DOK6: variants seen among roughly 807,000 people sequenced by gnomAD.
The protein encoded by DOK6 is docking protein 6.
DOK6 carries 22 observed loss-of-function variants against 44.0 expected under a neutral mutation model. The observed-to-expected ratio is 0.50, with a 90% CI of 0.36 to 0.71. The LOEUF (loss-of-function observed/expected upper bound fraction) is 0.71. DOK6 is among the 30% of genes least tolerant of loss of function. The pLI is 0.00. For synonymous variants in DOK6, 166 were observed against 145.5 expected (o/e 1.14, Z -1.01); for missense variants, 340 against 416.4 (o/e 0.82, Z 1.60).
At chr18:69,786,407 A>T (rs1980430607) in intron 7 of DOK6, among the ~76,000 whole-genome samples, 1 of 152,186 alleles carries the variant, frequency 6.6e-6, no homozygotes, top group Non-Finnish European at 1.5e-5. Context: ...GCTTAACCTA[A>T]TTCCTATTCT....
intron 7 of DOK6, among the ~76,000 whole-genome samples, chr18:69,767,038 C>A (rs960312619): frequency 3.3e-5 from 5 of 152,144 alleles, no homozygotes; most frequent in African/African-American, 1.2e-4. Flanking sequence ...ACCAGCCTGG[C>A]CAACATGGCA....
chr18:69,693,481 T>TTA (rs1054981669), intron 4 of DOK6, among the ~76,000 whole-genome samples: 125 of 152,250 alleles, frequency 8.2e-4, no homozygotes, highest in Non-Finnish European at 1.6e-3. Context: ...AAGCCTCTTT[T>TTA]TATATATATA....
intron 5 of DOK6, among the ~76,000 whole-genome samples, chr18:69,722,227 C>T (rs1978289883): frequency 6.6e-6 from 1 of 152,176 alleles, no homozygotes; most frequent in Non-Finnish European, 1.5e-5. Flanking sequence ...TTCGCATTTA[C>T]ACCTTTGAAC....
Position 69,606,704 on chromosome 18 carries a change from C to T in DOK6, c.289+7206C>T, listed in dbSNP as rs141599846. 2.2e-3 allele frequency among the ~76,000 whole-genome samples: 327 copies of T among 149,646 alleles called. 2 individuals carry two copies. Among genetic ancestry groups the T allele is most frequent in the Middle Eastern group, 0.014 (4 of 286 alleles). On this transcript the variant is annotated intron_variant, in intron 3 of 7. Coordinates refer to ENST00000382713, the MANE Select transcript of DOK6 (RefSeq NM_152721.6). ...GTGAAGATGCAGGATACGAGATCAACGTACAAAAATCAGTAGCATTTATTT... is the reference window on the plus strand; with the variant it reads ...GTGAAGATGCAGGATACGAGATCAATGTACAAAAATCAGTAGCATTTATTT...
chr18:69,640,645 T>C (rs1360814460), intron 3 of DOK6, among the ~76,000 whole-genome samples: 1 of 152,180 alleles, frequency 6.6e-6, no homozygotes, highest in African/African-American at 2.4e-5. Flanking sequence ...ACAGGGCAGT[T>C]GGATCCAGAT....
At chr18:69,467,589 C>T (rs775509053) in intron 1 of DOK6, among the ~76,000 whole-genome samples, 1 of 152,116 alleles carries the variant, frequency 6.6e-6, no homozygotes, top group Non-Finnish European at 1.5e-5. Context: ...ATATTTGGCT[C>T]ATAATGTTGC....
intron 7 of DOK6, among the ~76,000 whole-genome samples, chr18:69,763,817 C>G (rs1191819373): frequency 6.6e-6 from 1 of 152,084 alleles, no homozygotes; most frequent in Non-Finnish European, 1.5e-5. Flanking sequence ...CAAATCAAAC[C>G]AGTAAAAGCC....
intron 1 of DOK6, among the ~76,000 whole-genome samples, chr18:69,504,040 G>A (rs1222107504): frequency 6.6e-6 from 1 of 151,922 alleles, no homozygotes. Context: ...ATGGATTCAC[G>A]ATGGAAAATT....
chr18:69,457,694 G>A (rs1979668197), intron 1 of DOK6, among the ~76,000 whole-genome samples: 1 of 152,122 alleles, frequency 6.6e-6, no homozygotes, highest in African/African-American at 2.4e-5. Flanking sequence ...TAGTTTGATA[G>A]GAATAGCATT....
At chr18:69,562,037 C>T (rs1035271995) in intron 1 of DOK6, among the ~76,000 whole-genome samples, 5 of 152,094 alleles carry the variant, frequency 3.3e-5, no homozygotes, top group Non-Finnish European at 5.9e-5. Context: ...AAATTATCCA[C>T]CAGCAAAGAA....
At chr18:69,444,270 C>G (rs1441317096) in intron 1 of DOK6, among the ~76,000 whole-genome samples, 1 of 152,116 alleles carries the variant, frequency 6.6e-6, no homozygotes, top group African/African-American at 2.4e-5. Flanking sequence ...GGTTCACTTG[C>G]AATGTAGCTA....
At chr18:69,590,934 G>A (rs566044974) in intron 2 of DOK6, among the ~76,000 whole-genome samples, 8 of 152,246 alleles carry the variant, frequency 5.3e-5, no homozygotes, top group South Asian at 2.1e-4. Flanking sequence ...AGAGTGGTCC[G>A]TGAAAACAAC....
At chr18:69,574,767 T>G (rs1375900024) in intron 2 of DOK6, among the ~76,000 whole-genome samples, 1 of 152,106 alleles carries the variant, frequency 6.6e-6, no homozygotes, top group Non-Finnish European at 1.5e-5. Flanking sequence ...GGTTAAAATG[T>G]TTTTTGTCAT....
chr18:69,704,518 G>A (rs1210071361), intron 5 of DOK6, among the ~76,000 whole-genome samples: 1 of 128,050 alleles, frequency 7.8e-6, no homozygotes, highest in African/African-American at 3.0e-5. Flanking sequence ...TTGCTCTGTC[G>A]CCCAGGCTGG....
At chr18:69,470,042 A>T (rs1658999265) in intron 1 of DOK6, 1 of 162,900 alleles carries the variant, frequency 6.1e-6, no homozygotes, top group African/African-American at 2.4e-5. Flanking sequence ...ACCCATCTCC[A>T]GGGGAAATTG....
chr18:69,435,080 AAG>A (rs1348730121), intron 1 of DOK6, among the ~76,000 whole-genome samples: 18 of 149,606 alleles, frequency 1.2e-4, no homozygotes, highest in African/African-American at 4.3e-4. Flanking sequence ...GGAAGGAAGG[AAG>A]GAAGGAAGGA....
At chr18:69,710,425 A>G (rs1229079110) in intron 5 of DOK6, among the ~76,000 whole-genome samples, 1 of 152,256 alleles carries the variant, frequency 6.6e-6, no homozygotes, top group Non-Finnish European at 1.5e-5. Context: ...GCACACACAT[A>G]GTAAAACCAA....
intron 3 of DOK6, 82 bp downstream of exon 3, chr18:69,599,580 T>C (rs1983826521): frequency 9.3e-7 from 1 of 1,071,224 alleles, no homozygotes; most frequent in Admixed American, 2.1e-5. Flanking sequence ...AGGTACACTA[T>C]TGAACAGGAT....
In DOK6 at chr18:69,503,621, A is replaced by G. The variant is rs539426646; in HGVS notation, c.67-60866A>G. 3.7e-4 allele frequency among the ~76,000 whole-genome samples: 56 copies of G among 152,164 alleles called. 1 individual carries two copies. In the East Asian group the frequency reaches 0.01, roughly 27 times the overall value. On this transcript the variant is annotated intron_variant, in intron 1 of 7. Coordinates refer to ENST00000382713, the MANE Select transcript of DOK6 (RefSeq NM_152721.6). ...CTAAACAATGTCTTAAAATAACACA[A>G]ATACTTGTTTTTCAGTTCAACATAT...
Sources: allele counts gnomAD v4.1 joint callset (sites outside exome capture counted in the v4.1 genomes callset), GRCh38; gene constraint gnomAD v4.1.1; transcripts MANE v1.5; gene names NCBI Gene and HGNC (gene_info 2026-07-23, HGNC 2026-07-21).